The following COL21A1 variants were observed in gnomAD, a reference collection of about 807,000 sequenced individuals.
COL21A1 encodes the protein collagen type XXI alpha 1 chain.
A neutral mutation model predicts 137.9 loss-of-function variants in COL21A1; 149 were observed. The observed-to-expected ratio is 1.08, with a 90% CI of 0.95 to 1.24. COL21A1 has a LOEUF of 1.24. Among genes scored for constraint, COL21A1 ranks in the 50% most tolerant of loss-of-function variants. The pLI is 0.00. For missense variants in COL21A1, 1,167 were observed against 1,158.4 expected, an observed-to-expected ratio of 1.01 and a Z score of -0.11; for synonymous variants, 456 against 391.5, an observed-to-expected ratio of 1.16 and a Z score of -1.95.
intron 23 of COL21A1, among the ~76,000 whole-genome samples, chr6:56,065,230 C>G (rs774563926): frequency 6.6e-6 from 1 of 151,878 alleles, no homozygotes; most frequent in Non-Finnish European, 1.5e-5. Context: ...ATATTTATTG[C>G]GCAAAATAAT....
chr6:56,246,272 C>T (rs369332102), intron 1 of COL21A1, among the ~76,000 whole-genome samples: 2 of 152,146 alleles, frequency 1.3e-5, no homozygotes, highest in African/African-American at 4.8e-5. Context: ...GATCCAGGAA[C>T]ATTTCATCAG....
intron 1 of COL21A1, chr6:56,225,810 G>A (rs975301502): frequency 6.6e-6 from 1 of 151,984 alleles, no homozygotes; most frequent in Non-Finnish European, 1.5e-5. Flanking sequence ...TAGAATGGCA[G>A]AAGGTAAAAT....
intron 1 of COL21A1, among the ~76,000 whole-genome samples, chr6:56,381,642 C>T (rs2094008859): frequency 6.6e-6 from 1 of 152,206 alleles, no homozygotes; most frequent in Non-Finnish European, 1.5e-5. Flanking sequence ...TTTCACCGAA[C>T]ATAAGCTACA....
At chr6:56,205,224 C>T (rs190422751) in intron 1 of COL21A1, among the ~76,000 whole-genome samples, 10 of 152,148 alleles carry the variant, frequency 6.6e-5, no homozygotes, top group African/African-American at 2.4e-4. Context: ...AGCAAGGAAG[C>T]TAAGAACCTT....
At chr6:56,209,017 A>T (rs1779980228) in intron 1 of COL21A1, among the ~76,000 whole-genome samples, 1 of 152,192 alleles carries the variant, frequency 6.6e-6, no homozygotes, top group East Asian at 1.9e-4. Context: ...CTTATAAAAA[A>T]ATTAACCCAA....
At chr6:56,135,210 C>T (rs1377039330) in intron 12 of COL21A1, among the ~76,000 whole-genome samples, 1 of 151,656 alleles carries the variant, frequency 6.6e-6, no homozygotes, top group African/African-American at 2.4e-5. Flanking sequence ...CATAATACAA[C>T]CCAGAAAAAA....
At chr6:56,163,706 C>CAAAAAAAAAAAA (rs11317686) in intron 9 of COL21A1, among the ~76,000 whole-genome samples, 1 of 136,448 alleles carries the variant, frequency 7.3e-6, no homozygotes, top group Non-Finnish European at 1.6e-5. Flanking sequence ...GGCTCCGTCT[C>CAAAAAAAAAAAA]AAAAAAAAAA....
chr6:56,202,467 C>T (rs1013763911), intron 1 of COL21A1, among the ~76,000 whole-genome samples: 4 of 152,174 alleles, frequency 2.6e-5, no homozygotes, highest in Non-Finnish European at 4.4e-5. Context: ...TGCCTCAAAT[C>T]GTACTTGGCA....
chr6:56,070,491 T>C (rs1301724390), intron 21 of COL21A1, among the ~76,000 whole-genome samples: 1 of 151,648 alleles, frequency 6.6e-6, no homozygotes, highest in Non-Finnish European at 1.5e-5. Context: ...AGTAAGTTCA[T>C]GTTTGCCTAC....
intron 1 of COL21A1, among the ~76,000 whole-genome samples, chr6:56,194,943 C>T (rs1398289137): frequency 1.3e-5 from 2 of 152,042 alleles, no homozygotes; most frequent in African/African-American, 4.8e-5. Flanking sequence ...TGGGTTAATC[C>T]ATTCACAGAT....
upstream of COL21A1, among the ~76,000 whole-genome samples, chr6:56,249,512 A>G (rs142693942): frequency 1.3e-5 from 2 of 152,220 alleles, no homozygotes; most frequent in Non-Finnish European, 2.9e-5. Flanking sequence ...ATATCGCTAC[A>G]ATGGAATATT....
At chr6:56,187,812 A>G (rs1778397501) in intron 1 of COL21A1, among the ~76,000 whole-genome samples, 1 of 152,248 alleles carries the variant, frequency 6.6e-6, no homozygotes, top group Non-Finnish European at 1.5e-5. Context: ...CAGTTTTAAA[A>G]TAAGTACATG....
At position 56,098,626 on chromosome 6, in the gene COL21A1, A is replaced by AAT. The variant is rs1179640372; in HGVS notation, c.1812+2844_1812+2845dup. ...ATATAAATATATATAAATATATATA[A>AAT]ATATATATATAAATATATATAAATA... On this transcript the variant is annotated intron_variant, in intron 17 of 29. Coordinates refer to ENST00000244728, the MANE Select transcript of COL21A1 (RefSeq NM_030820.4). Among the ~76,000 whole-genome samples, 23 of 11,834 alleles carry AAT rather than the reference A, an allele frequency of 1.9e-3. 5 individuals are homozygous for AAT. In the Admixed American group the frequency reaches 0.02, roughly 10 times the overall value. The allele number at this position is 11,834 out of a possible 152,430, so 7.8% of individuals were successfully genotyped here. A position where few individuals can be genotyped will look rare whatever the true frequency, so the allele number is the denominator to read the frequency against.
chr6:56,373,228 T>C (rs1226263316), intron 1 of COL21A1, among the ~76,000 whole-genome samples: 1 of 152,200 alleles, frequency 6.6e-6, no homozygotes, highest in Non-Finnish European at 1.5e-5. Context: ...TTGGTGAACA[T>C]AGTACCTGAT....
At chr6:56,150,547 C>A (rs933287987) in intron 10 of COL21A1, among the ~76,000 whole-genome samples, 1 of 151,512 alleles carries the variant, frequency 6.6e-6, no homozygotes, top group South Asian at 2.1e-4. Context: ...CACACACACA[C>A]ACACACACAC....
At chr6:56,166,690 G>T in intron 7 of COL21A1, 3 of 639,210 alleles carry the variant, frequency 4.7e-6, no homozygotes, top group Non-Finnish European at 5.6e-6. Flanking sequence ...ATTCCCTTGT[G>T]GTCTTTCATT....
At chr6:56,066,147 G>A (rs1766223125) in intron 23 of COL21A1, among the ~76,000 whole-genome samples, 1 of 151,812 alleles carries the variant, frequency 6.6e-6, no homozygotes, top group African/African-American at 2.4e-5. Context: ...TGGGTCTAGA[G>A]CTCACAGACA....
At chr6:56,078,506 A>T (rs1180337646) in intron 17 of COL21A1, among the ~76,000 whole-genome samples, 1 of 151,624 alleles carries the variant, frequency 6.6e-6, no homozygotes, top group Non-Finnish European at 1.5e-5. Flanking sequence ...AGGCCTTCCA[A>T]AGGAAAGCAG....
At chr6:56,238,542 C>T (rs768628097) in intron 1 of COL21A1, among the ~76,000 whole-genome samples, 10 of 151,918 alleles carry the variant, frequency 6.6e-5, no homozygotes, top group Non-Finnish European at 1.3e-4. Flanking sequence ...ACCCAACCAC[C>T]ACAGTGACTA....
Sources: allele counts gnomAD v4.1 joint callset (sites outside exome capture counted in the v4.1 genomes callset), GRCh38; gene constraint gnomAD v4.1.1; transcripts MANE v1.5; gene names NCBI Gene and HGNC (gene_info 2026-07-23, HGNC 2026-07-21).